Variants in ZNF320 observed in about 807,000 individuals in gnomAD.
ZNF320 encodes the protein zinc finger gene 320.
ZNF320 carries 2 observed loss-of-function variants against 6.8 expected under a neutral mutation model. The ratio of observed to expected loss-of-function variants is 0.29; its 90% CI spans 0.12 to 0.93. The LOEUF (loss-of-function observed/expected upper bound fraction) is 0.93, where lower values mean the gene tolerates loss of function less well. Ranked by LOEUF, ZNF320 falls within the 40% of genes least tolerant of loss-of-function variation. The probability of loss-of-function intolerance (pLI) is 0.55; values close to 1 mark genes in which losing one functional copy is unlikely to be tolerated. For synonymous variants in ZNF320, 208 were observed against 203.2 expected, an observed-to-expected ratio of 1.02 and a Z score of -0.20; for missense variants, 472 against 611.0, an observed-to-expected ratio of 0.77 and a Z score of 2.40.
At chr19:52,887,138 C>G (rs2064117214) in intron 5 of ZNF320, among the ~76,000 whole-genome samples, 1 of 152,120 alleles carries the variant, frequency 6.6e-6, no homozygotes, top group Non-Finnish European at 1.5e-5. Context: ...AGAATTCTCC[C>G]ACTTGCAGAG....
At chr19:52,898,278 G>A (rs1207103275), upstream of ZNF320, among the ~76,000 whole-genome samples, 1 of 152,148 alleles carries the variant, frequency 6.6e-6, no homozygotes, top group Non-Finnish European at 1.5e-5. Flanking sequence ...CGCCTGGGGT[G>A]CGGAGCGGAG....
rs777480191 is a variant in ZNF320 at position 52,881,544 on chromosome 19, G to A, written c.582C>T (p.Cys194=). Residue 194 remains cysteine, a synonymous_variant, in exon 6 of 6, where the codon TGC becomes TGT. Transcript: ENST00000682928. Reference sequence around the variant, plus strand: ...GTGAATCATGCTTAAAAGCCTTGTCGCAAACCTTACATTTGTATGGTTTCT... The same window carrying A: ...GTGAATCATGCTTAAAAGCCTTGTCACAAACCTTACATTTGTATGGTTTCT... ...TGEKPYKCKV[C]DKAFKHDSHL... The A allele has an allele frequency of 8.1e-6, 13 of 1,612,378 alleles. No individual in the cohort carries two copies. The highest frequency in any genetic ancestry group is 2.2e-5 in the South Asian group (2 of 90,962).
chr19:52,896,236 C>A (rs779898412), intron 1 of ZNF320, among the ~76,000 whole-genome samples: 1 of 152,012 alleles, frequency 6.6e-6, no homozygotes, highest in Non-Finnish European at 1.5e-5. Context: ...GGATTACAGG[C>A]GCCCGACATC....
intron 5 of ZNF320, among the ~76,000 whole-genome samples, chr19:52,869,962 C>T (rs929888929): frequency 6.6e-6 from 1 of 151,376 alleles, no homozygotes; most frequent in Non-Finnish European, 1.5e-5. Flanking sequence ...GTGATCCACC[C>T]GCCTCAGCCT....
At chr19:52,864,987 T>C (rs1027378647) in intron 5 of ZNF320, among the ~76,000 whole-genome samples, 13 of 151,632 alleles carry the variant, frequency 8.6e-5, no homozygotes. Flanking sequence ...CACGCCAGCC[T>C]GGGTGATAGA....
intron 4 of ZNF320, among the ~76,000 whole-genome samples, chr19:52,888,694 C>T (rs1488353004): frequency 6.6e-6 from 1 of 151,760 alleles, no homozygotes; most frequent in Non-Finnish European, 1.5e-5. Context: ...TGTAAATGTT[C>T]ACAAAATAAT....
At chr19:52,862,353 G>T in exon 6 of ZNF320, 1 of 518,274 alleles carries the variant, frequency 1.9e-6, no homozygotes, top group Non-Finnish European at 3.9e-6. Flanking sequence ...ACATTTGTAT[G>T]GTTTCTCTCC....
intron 5 of ZNF320, among the ~76,000 whole-genome samples, chr19:52,885,936 G>A (rs1238713872): frequency 6.6e-6 from 1 of 151,690 alleles, no homozygotes; most frequent in Non-Finnish European, 1.5e-5. Flanking sequence ...TTAATAAAAG[G>A]ACAGATACAG....
At chr19:52,873,000 G>T (rs963670259), downstream of ZNF320, among the ~76,000 whole-genome samples, 3 of 152,184 alleles carry the variant, frequency 2.0e-5, no homozygotes, top group African/African-American at 7.2e-5. Flanking sequence ...AAACATCTCA[G>T]TGCAGTAAAG....
chr19:52,860,836 T>C (rs1327617963), downstream of ZNF320, among the ~76,000 whole-genome samples: 1 of 152,186 alleles, frequency 6.6e-6, no homozygotes, highest in Non-Finnish European at 1.5e-5. Context: ...TTGCTAGTTT[T>C]AGTAGACTAA....
upstream of ZNF320, among the ~76,000 whole-genome samples, chr19:52,898,347 G>A (rs938178953): frequency 6.6e-6 from 1 of 152,120 alleles, no homozygotes; most frequent in East Asian, 1.9e-4. Context: ...CAGGGATGTG[G>A]GCGAGGTGGC....
chr19:52,874,842 G>T (rs1202704590), downstream of ZNF320, among the ~76,000 whole-genome samples: 1 of 152,136 alleles, frequency 6.6e-6, no homozygotes, highest in Non-Finnish European at 1.5e-5. Flanking sequence ...TGCAGCTGAG[G>T]GGCCAGAGAG....
At chr19:52,903,986 T>G in the ZNF320 span, among the ~76,000 whole-genome samples, 39 of 151,976 alleles carry the variant, frequency 2.6e-4, no homozygotes, top group South Asian at 6.3e-4. Context: ...TTCCAAAGAC[T>G]AGTCTTACTA....
chr19:52,873,393 C>T (rs1341550141), downstream of ZNF320, among the ~76,000 whole-genome samples: 3 of 152,310 alleles, frequency 2.0e-5, no homozygotes, highest in Middle Eastern at 3.4e-3. Context: ...AGCATATTGC[C>T]TGCAAGAACT....
intron 5 of ZNF320, among the ~76,000 whole-genome samples, chr19:52,882,250 A>G (rs1293848566): frequency 6.6e-6 from 1 of 152,188 alleles, no homozygotes; most frequent in African/African-American, 2.4e-5. Context: ...AGTAAGGAGT[A>G]TTTTTCCACT....
chr19:52,892,707 CTG>C (rs879566713), intron 2 of ZNF320, among the ~76,000 whole-genome samples: 2,063 of 152,208 alleles, frequency 0.014, 23 homozygotes, highest in Non-Finnish European at 0.022. Context: ...TCTCCCATCT[CTG>C]TGCATCCTCT....
chr19:52,875,012 G>C (rs1427118785), downstream of ZNF320, among the ~76,000 whole-genome samples: 1 of 152,168 alleles, frequency 6.6e-6, no homozygotes, highest in Non-Finnish European at 1.5e-5. Flanking sequence ...CTGCAGGGAT[G>C]AGGCCTTGAA....
rs138342793 is a variant in ZNF320 at position 52,880,856 on chromosome 19, G to A, written c.1270C>T (p.Arg424Cys). Reference protein sequence around the residue: ...ECEECDKVYIRKSHLERHRRI... With the variant: ...ECEECDKVYICKSHLERHRRI... ...CTATGTCTTTCAAGGTGTGATTTGC[G>A]AATGTAAACTTTGTCACATTCTTCA... Residue 424 changes from arginine (R) to cysteine (C), a missense_variant, in exon 6 of 6, where the codon CGC becomes TGC. Physicochemically the swap from Arg to Cys is radical, Grantham distance 180. Around this residue, in one of 2 missense-constraint regions of ZNF320, gnomAD observed 462 missense variants for 559.7 expected, o/e 0.83. Transcript: ENST00000682928. The A allele has an allele frequency of 7.4e-6, 12 of 1,613,920 alleles. No homozygotes were observed. Among genetic ancestry groups the A allele is most frequent in the African/African-American group, 1.3e-5 (1 of 75,032 alleles).
At chr19:52,900,043 A>T (rs980126846), upstream of ZNF320, among the ~76,000 whole-genome samples, 1 of 152,100 alleles carries the variant, frequency 6.6e-6, no homozygotes, top group African/African-American at 2.4e-5. Context: ...ACCTGTATTT[A>T]TGGGCAGTAA....
Sources: gnomAD v4.1 joint callset for allele counts (sites outside exome capture counted in the v4.1 genomes callset) on GRCh38, gnomAD v4.1.1 for gene constraint, gnomAD v4.1.1 regional missense constraint, MANE v1.5 for transcripts, NCBI Gene and HGNC (gene_info 2026-07-23, HGNC 2026-07-21) for gene names.